The following SLC14A2 variants were observed in gnomAD, a reference collection of about 807,000 sequenced individuals.
SLC14A2 encodes solute carrier family 14 member 2, also known as urea transporter 2.
In SLC14A2, 91 loss-of-function variants were observed where a neutral mutation model predicts 104.6. That is an observed-to-expected ratio of 0.87 (90% CI 0.73 to 1.04). The LOEUF is 1.04. Ranked by LOEUF, SLC14A2 falls within the 50% of genes least tolerant of loss-of-function variation. The pLI, the probability that SLC14A2 is intolerant of heterozygous loss-of-function variation, is 0.00. For missense variants in SLC14A2, 1,189 were observed against 1,156.0 expected, an observed-to-expected ratio of 1.03 and a Z score of -0.41; for synonymous variants, 476 against 466.4, an observed-to-expected ratio of 1.02 and a Z score of -0.27.
intron 1 of SLC14A2, among the ~76,000 whole-genome samples, chr18:45,396,361 G>A (rs1035382447): frequency 6.6e-6 from 1 of 152,076 alleles, no homozygotes; most frequent in African/African-American, 2.4e-5. Context: ...CTCTATTATA[G>A]ACTTTTCTCC....
At chr18:45,374,175 C>A (rs2085750750) in intron 1 of SLC14A2, among the ~76,000 whole-genome samples, 1 of 152,182 alleles carries the variant, frequency 6.6e-6, no homozygotes, top group Non-Finnish European at 1.5e-5. Context: ...CAGGTTATTG[C>A]AGAGAGGCCC....
chr18:45,358,825 C>T (rs1260296940), intron 1 of SLC14A2, among the ~76,000 whole-genome samples: 1 of 152,152 alleles, frequency 6.6e-6, no homozygotes, highest in Non-Finnish European at 1.5e-5. Flanking sequence ...GTCCTCCCAC[C>T]TCAATCTCCC....
At chr18:45,581,887 C>T (rs981084598) in intron 2 of SLC14A2, among the ~76,000 whole-genome samples, 37 of 151,964 alleles carry the variant, frequency 2.4e-4, no homozygotes, top group African/African-American at 8.2e-4. Context: ...CCTCATTTCC[C>T]CATTGTGTGC....
intron 1 of SLC14A2, among the ~76,000 whole-genome samples, chr18:45,237,101 A>G (rs2084262643): frequency 6.6e-6 from 1 of 152,214 alleles, no homozygotes; most frequent in African/African-American, 2.4e-5. Context: ...GCTCAGCCAT[A>G]GAAAGAACAT....
At chr18:45,511,203 A>G (rs1402992389) in intron 2 of SLC14A2, among the ~76,000 whole-genome samples, 1 of 152,060 alleles carries the variant, frequency 6.6e-6, no homozygotes, top group Non-Finnish European at 1.5e-5. Context: ...GTAGCACTTT[A>G]TTATGTATAG....
chr18:45,522,501 C>T (rs564304970), intron 2 of SLC14A2, among the ~76,000 whole-genome samples: 45 of 152,192 alleles, frequency 3.0e-4, no homozygotes, highest in Non-Finnish European at 4.7e-4. Flanking sequence ...GAGCTCAGGG[C>T]GGGAGCAATC....
the SLC14A2 span, among the ~76,000 whole-genome samples, chr18:45,192,636 G>GTTTTTTTTTTTGTTTT: frequency 0.14 from 15,968 of 111,496 alleles, 1,128 homozygotes; most frequent in Middle Eastern, 0.23. Context: ...GTGTGTGTGT[G>GTTTTTTTTTTTGTTTT]GTTTTTTTTT....
At chr18:45,603,249 A>C (rs1052753535) in intron 2 of SLC14A2, among the ~76,000 whole-genome samples, 2 of 152,090 alleles carry the variant, frequency 1.3e-5, no homozygotes, top group African/African-American at 4.8e-5. Context: ...AATCACAGCA[A>C]TTTTGTGCTT....
At chr18:45,664,652 G>A (rs1399318270) in intron 11 of SLC14A2, among the ~76,000 whole-genome samples, 1 of 152,202 alleles carries the variant, frequency 6.6e-6, no homozygotes, top group Non-Finnish European at 1.5e-5. Context: ...AACATCACAT[G>A]CTCCCCAGAA....
In SLC14A2 at chr18:45,463,248, G is replaced by A. The variant is rs559060750; in HGVS notation, c.-124-19985G>A. 1.1e-4 allele frequency among the ~76,000 whole-genome samples: 16 copies of A among 152,336 alleles called. 2 individuals are homozygous for A. The South Asian group carries it at 3.3e-3, about 32-fold the overall frequency. Reference sequence around the variant, plus strand: ...TGTAAATTGGGCAAAGGGGGAGGCAGTTGGGTAGCCTGGTGTGGAGCAGTG... The same window carrying A: ...TGTAAATTGGGCAAAGGGGGAGGCAATTGGGTAGCCTGGTGTGGAGCAGTG... On this transcript the variant is annotated intron_variant, in intron 1 of 20. Coordinates refer to the SLC14A2 transcript ENST00000586448.
intron 1 of SLC14A2, among the ~76,000 whole-genome samples, chr18:45,286,102 T>C (rs2084812201): frequency 1.3e-5 from 2 of 152,172 alleles, no homozygotes; most frequent in Non-Finnish European, 2.9e-5. Context: ...CTGATCTGAG[T>C]GAAAAATCTT....
intron 18 of SLC14A2, among the ~76,000 whole-genome samples, chr18:45,674,142 T>C (rs1173864102): frequency 6.6e-6 from 1 of 152,208 alleles, no homozygotes; most frequent in Non-Finnish European, 1.5e-5. Flanking sequence ...CCACAGACCC[T>C]TCAAATGACT....
chr18:45,382,778 C>G (rs1293358238), intron 1 of SLC14A2, among the ~76,000 whole-genome samples: 1 of 152,228 alleles, frequency 6.6e-6, no homozygotes, highest in African/African-American at 2.4e-5. Flanking sequence ...TTTTACTTCA[C>G]GTAGCTCTTT....
At chr18:45,418,753 C>T (rs370412199) in intron 1 of SLC14A2, among the ~76,000 whole-genome samples, 3 of 152,088 alleles carry the variant, frequency 2.0e-5, no homozygotes, top group East Asian at 1.9e-4. Context: ...GAAGGACGAA[C>T]GAAGACATTT....
intron 10 of SLC14A2, among the ~76,000 whole-genome samples, chr18:45,663,569 A>T (rs1599143299): frequency 6.6e-6 from 1 of 152,196 alleles, no homozygotes; most frequent in African/African-American, 2.4e-5. Context: ...ACAGACTATA[A>T]CTTGGGTTAC....
At chr18:45,478,681 A>G (rs1355344143) in intron 1 of SLC14A2, among the ~76,000 whole-genome samples, 1 of 152,190 alleles carries the variant, frequency 6.6e-6, no homozygotes, top group African/African-American at 2.4e-5. Flanking sequence ...AATGTCATCC[A>G]GTAGCATCTC....
intron 2 of SLC14A2, among the ~76,000 whole-genome samples, chr18:45,483,657 G>A (rs577589557): frequency 2.2e-4 from 33 of 152,324 alleles, no homozygotes; most frequent in African/African-American, 7.2e-4. Flanking sequence ...GGGAATGGGT[G>A]AGAGAAAAGA....
chr18:45,196,890 C>G, the SLC14A2 span, among the ~76,000 whole-genome samples: 7 of 152,206 alleles, frequency 4.6e-5, no homozygotes, highest in African/African-American at 1.7e-4. Context: ...AACATATAAA[C>G]AAGAGCTAAG....
chr18:45,189,718 CT>C, the SLC14A2 span, among the ~76,000 whole-genome samples: 37,696 of 152,160 alleles, frequency 0.25, 4,851 homozygotes, highest in Non-Finnish European at 0.3. Context: ...AAAGCAGTGC[CT>C]TAGTGGCATA....
Sources: gnomAD v4.1 joint callset for allele counts (sites outside exome capture counted in the v4.1 genomes callset) on GRCh38, gnomAD v4.1.1 for gene constraint, MANE v1.5 for transcripts, NCBI Gene and HGNC (gene_info 2026-07-23, HGNC 2026-07-21) for gene names.